MLLT10: variants seen among roughly 807,000 people sequenced by gnomAD.
MLLT10 encodes the protein protein AF-10.
Under a neutral mutation model 129.1 loss-of-function variants are expected in MLLT10, and 30 were observed. The ratio of observed to expected loss-of-function variants is 0.23; its 90% CI spans 0.17 to 0.32. The LOEUF (loss-of-function observed/expected upper bound fraction) is 0.32. Ranked by LOEUF, MLLT10 falls within the 10% of genes least tolerant of loss-of-function variation. The pLI is 1.00. For synonymous variants in MLLT10, 490 were observed against 446.4 expected (o/e 1.10, Z -1.23); for missense variants, 1,119 against 1,268.3 (o/e 0.88, Z 1.79).
chr10:21,620,536 A>G (rs1359641627), intron 8 of MLLT10, among the ~76,000 whole-genome samples: 1 of 152,206 alleles, frequency 6.6e-6, no homozygotes, highest in Non-Finnish European at 1.5e-5. Context: ...GGGTTATTGT[A>G]AGGTGAGGAG....
intron 9 of MLLT10, among the ~76,000 whole-genome samples, chr10:21,664,324 T>G (rs888606452): frequency 3.0e-4 from 46 of 151,738 alleles, no homozygotes; most frequent in South Asian, 6.2e-4. Flanking sequence ...TTGTTTGTTT[T>G]TTTTTTTTGA....
chr10:21,685,578 G>A (rs1023045781), intron 13 of MLLT10, among the ~76,000 whole-genome samples: 6 of 152,224 alleles, frequency 3.9e-5, no homozygotes, highest in South Asian at 2.1e-4. Context: ...CAAGTGATCC[G>A]CAAGTGGTCC....
At chr10:21,550,442 T>C (rs2036811610) in intron 3 of MLLT10, among the ~76,000 whole-genome samples, 1 of 152,242 alleles carries the variant, frequency 6.6e-6, no homozygotes, top group Admixed American at 6.5e-5. Flanking sequence ...CTTTAGTCTA[T>C]GTTGCTGTCA....
chr10:21,579,144 G>T (rs762898800), intron 3 of MLLT10, among the ~76,000 whole-genome samples: 1 of 152,012 alleles, frequency 6.6e-6, no homozygotes, highest in African/African-American at 2.4e-5. Context: ...CTGTGTTGAC[G>T]GTGCTTTATC....
At chr10:21,615,209 G>A (rs973279545) in intron 7 of MLLT10, among the ~76,000 whole-genome samples, 2 of 151,962 alleles carry the variant, frequency 1.3e-5, no homozygotes, top group African/African-American at 2.4e-5. Flanking sequence ...TGTAATCCCA[G>A]CACTTTGGGA....
intron 9 of MLLT10, among the ~76,000 whole-genome samples, chr10:21,660,627 A>AG: frequency 6.6e-6 from 1 of 150,636 alleles, no homozygotes; most frequent in South Asian, 2.1e-4. Flanking sequence ...AAAAAAAAAA[A>AG]AAAAAAAAAG....
At chr10:21,644,251 CTG>C (rs563451166) in intron 8 of MLLT10, among the ~76,000 whole-genome samples, 62 of 152,216 alleles carry the variant, frequency 4.1e-4, no homozygotes, top group Admixed American at 1.2e-3. Context: ...ACATTAGACT[CTG>C]TATTATTTTT....
At chr10:21,693,116 C>A (rs1376112261) in intron 13 of MLLT10, among the ~76,000 whole-genome samples, 1 of 152,048 alleles carries the variant, frequency 6.6e-6, no homozygotes, top group Non-Finnish European at 1.5e-5. Context: ...GAAGTACTCT[C>A]CTTCATTAAC....
intron 11 of MLLT10, among the ~76,000 whole-genome samples, chr10:21,674,225 T>G (rs1168800171): frequency 1.3e-5 from 2 of 152,200 alleles, no homozygotes; most frequent in Admixed American, 6.5e-5. Context: ...CTATTTTTGT[T>G]TCACCTGCAC....
intron 3 of MLLT10, among the ~76,000 whole-genome samples, chr10:21,576,507 G>C (rs2131054482): frequency 6.6e-6 from 1 of 152,220 alleles, no homozygotes; most frequent in East Asian, 1.9e-4. Context: ...CCAAAGTGCT[G>C]GGATTACAGG....
At chr10:21,592,227 GTACC>G (rs574032565) in intron 4 of MLLT10, among the ~76,000 whole-genome samples, 60 of 152,246 alleles carry the variant, frequency 3.9e-4, no homozygotes, top group African/African-American at 1.4e-3. Flanking sequence ...CATATTAAAT[GTACC>G]TACATGTTTA....
intron 5 of MLLT10, among the ~76,000 whole-genome samples, chr10:21,607,682 A>T (rs2044198868): frequency 6.6e-6 from 1 of 152,188 alleles, no homozygotes; most frequent in Admixed American, 6.5e-5. Context: ...TCACATTTGT[A>T]TATGTTACAG....
chr10:21,589,214 AT>A (rs1380168626), intron 4 of MLLT10, among the ~76,000 whole-genome samples: 8 of 151,042 alleles, frequency 5.3e-5, no homozygotes, highest in African/African-American at 7.3e-5. Flanking sequence ...CTTTAAAAAA[AT>A]TTTTTTTTAC....
At chr10:21,642,307 G>T (rs769246084) in intron 8 of MLLT10, among the ~76,000 whole-genome samples, 2 of 152,024 alleles carry the variant, frequency 1.3e-5, no homozygotes, top group Non-Finnish European at 2.9e-5. Flanking sequence ...AGCTGAAATC[G>T]TGCCATTGCA....
intron 9 of MLLT10, among the ~76,000 whole-genome samples, chr10:21,653,722 T>C (rs1377559082): frequency 6.6e-6 from 1 of 152,156 alleles, no homozygotes; most frequent in Non-Finnish European, 1.5e-5. Flanking sequence ...CACAGATACG[T>C]TGGCGTTGAG....
At position 21,726,277 on chromosome 10, in the gene MLLT10, G is replaced by A; in HGVS notation, c.1912G>A (p.Ala638Thr). 6.2e-7 allele frequency: 1 copy of A among 1,612,354 alleles called. No individual in the cohort carries two copies. The highest frequency in any genetic ancestry group is 1.7e-4 in the Middle Eastern group (1 of 6,056). The stretch of plus-strand genomic sequence containing the variant: ...TCTATCTGGATCTTCTCTCAGTCAG[G>A]CACCATCTCATATGTATGGCAATAG... The part of the protein sequence containing the change: ...NTLSGSSLSQ[A>T]PSHMYGNRSN... Residue 638 changes from alanine (A) to threonine (T), a missense_variant, in exon 15 of 23, where the codon GCA (alanine) becomes ACA (threonine). Transcript: ENST00000307729.
chr10:21,713,173 C>G (rs1353678522), intron 13 of MLLT10, among the ~76,000 whole-genome samples: 1 of 152,182 alleles, frequency 6.6e-6, no homozygotes, highest in Non-Finnish European at 1.5e-5. Flanking sequence ...CTGCCCCATA[C>G]AGTCAGTCAC....
intron 3 of MLLT10, among the ~76,000 whole-genome samples, chr10:21,578,760 G>A (rs143516579): frequency 6.6e-6 from 1 of 152,216 alleles, no homozygotes; most frequent in East Asian, 1.9e-4. Context: ...TGTACAAGTC[G>A]TAAAGTATAC....
rs74120979 is a variant in MLLT10 at position 21,603,624 on chromosome 10, C to T, written c.405+8184C>T. 8.4e-3 allele frequency among the ~76,000 whole-genome samples: 1,282 copies of T among 152,144 alleles called. 22 individuals carry two copies. Among genetic ancestry groups the T allele is most frequent in the African/African-American group, 0.029 (1,224 of 41,512 alleles). The stretch of plus-strand genomic sequence containing the variant: ...CTCATAGCCAATTTTTCATACACCC[C>T]CTGTAGTAGGGCTGCTGTAACAAAA... On this transcript the variant is annotated intron_variant, in intron 5 of 22. Transcript: ENST00000307729.
Sources: allele counts gnomAD v4.1 joint callset (sites outside exome capture counted in the v4.1 genomes callset), GRCh38; gene constraint gnomAD v4.1.1; transcripts MANE v1.5; gene names NCBI Gene and HGNC (gene_info 2026-07-23, HGNC 2026-07-21).